Variants in MAPKAP1 observed in about 807,000 individuals in gnomAD.
The protein encoded by MAPKAP1 is MAPK associated protein 1.
Under a neutral mutation model 65.7 loss-of-function variants are expected in MAPKAP1, and 20 were observed. The ratio of observed to expected loss-of-function variants is 0.30; its 90% CI spans 0.21 to 0.44. MAPKAP1 has a LOEUF of 0.44. Among genes scored for constraint, MAPKAP1 ranks in the 20% least tolerant of loss-of-function variants. MAPKAP1 has a pLI of 1.00. For synonymous variants in MAPKAP1, 222 were observed against 244.3 expected (o/e 0.91, Z 0.85); for missense variants, 423 against 648.0 (o/e 0.65, Z 3.77).
chr9:125,612,247 A>T (rs1733291589), intron 4 of MAPKAP1, among the ~76,000 whole-genome samples: 2 of 152,180 alleles, frequency 1.3e-5, no homozygotes, highest in African/African-American at 4.8e-5. Context: ...ACCTAATGAC[A>T]ATATTTAGAA....
intron 4 of MAPKAP1, among the ~76,000 whole-genome samples, chr9:125,591,053 CGTGA>C (rs755636056): frequency 2.6e-5 from 4 of 152,150 alleles, no homozygotes; most frequent in Non-Finnish European, 4.4e-5. Flanking sequence ...GGATTACAAG[CGTGA>C]GTGACTGCGA....
chr9:125,689,227 G>A (rs1468472388), intron 1 of MAPKAP1, among the ~76,000 whole-genome samples: 1 of 150,436 alleles, frequency 6.6e-6, no homozygotes, highest in African/African-American at 2.4e-5. Flanking sequence ...CACGAAGTCA[G>A]GAGATAGAGA....
chr9:125,504,183 C>G (rs1179747680), intron 8 of MAPKAP1, among the ~76,000 whole-genome samples: 2 of 152,106 alleles, frequency 1.3e-5, no homozygotes, highest in African/African-American at 4.8e-5. Context: ...ATGAGGACTC[C>G]CTTTGAAACA....
intron 10 of MAPKAP1, among the ~76,000 whole-genome samples, chr9:125,455,953 T>C (rs1278188679): frequency 1.3e-5 from 2 of 152,132 alleles, no homozygotes; most frequent in African/African-American, 4.8e-5. Flanking sequence ...ATTATTTCAT[T>C]TTTTTTGATT....
At chr9:125,646,337 A>AAAAC (rs942316621) in intron 4 of MAPKAP1, among the ~76,000 whole-genome samples, 1 of 149,206 alleles carries the variant, frequency 6.7e-6, no homozygotes, top group African/African-American at 2.6e-5. Flanking sequence ...AAAACAAAAC[A>AAAAC]AAAAACTAAT....
intron 6 of MAPKAP1, among the ~76,000 whole-genome samples, chr9:125,556,417 G>C (rs1260334714): frequency 6.6e-6 from 1 of 152,222 alleles, no homozygotes. Flanking sequence ...AAAGGGCATG[G>C]ACTTTAAAGT....
At chr9:125,577,381 G>A (rs2131556148) in intron 5 of MAPKAP1, among the ~76,000 whole-genome samples, 1 of 150,768 alleles carries the variant, frequency 6.6e-6, no homozygotes, top group Non-Finnish European at 1.5e-5. Flanking sequence ...CCGTCCGGGA[G>A]GGAGGTGGGG....
intron 10 of MAPKAP1, among the ~76,000 whole-genome samples, chr9:125,457,346 G>C (rs1292614419): frequency 6.6e-6 from 1 of 151,988 alleles, no homozygotes; most frequent in African/African-American, 2.4e-5. Context: ...ATTTTCATTT[G>C]GTTCTTCTTA....
At chr9:125,576,982 C>T (rs1280735306) in intron 5 of MAPKAP1, among the ~76,000 whole-genome samples, 2 of 151,776 alleles carry the variant, frequency 1.3e-5, no homozygotes, top group Non-Finnish European at 1.5e-5. Flanking sequence ...GGCCGCCCAT[C>T]GTCTGGGATG....
chr9:125,506,527 A>G, intron 7 of MAPKAP1, 110 bp from the exon 8 acceptor site: 1 of 908,468 alleles, frequency 1.1e-6, no homozygotes, highest in Non-Finnish European at 1.7e-6. Context: ...GTAAAGTGTT[A>G]AAGTCTGTCT....
At chr9:125,477,068 AC>A (rs1440474251) in intron 9 of MAPKAP1, among the ~76,000 whole-genome samples, 2 of 152,178 alleles carry the variant, frequency 1.3e-5, no homozygotes, top group African/African-American at 4.8e-5. Context: ...GATTATACAT[AC>A]TGGACAGTTT....
At chr9:125,484,044 G>A (rs1854408893) in intron 9 of MAPKAP1, among the ~76,000 whole-genome samples, 1 of 152,142 alleles carries the variant, frequency 6.6e-6, no homozygotes, top group Non-Finnish European at 1.5e-5. Context: ...TACCTTCTGA[G>A]ACATTAAAAA....
At chr9:125,689,605 G>A (rs1835102812) in intron 1 of MAPKAP1, among the ~76,000 whole-genome samples, 2 of 150,096 alleles carry the variant, frequency 1.3e-5, no homozygotes, top group South Asian at 4.2e-4. Context: ...TGGGCGTGGT[G>A]GTGGGTGCCT....
At position 125,550,994 on chromosome 9, in the gene MAPKAP1, A is replaced by C. The variant is rs567286466; in HGVS notation, c.849-7826T>G. On this transcript the variant is annotated intron_variant, in intron 6 of 11. Coordinates refer to ENST00000265960, the MANE Select transcript of MAPKAP1 (RefSeq NM_001006617.3). ...CAGCATGGCCTTGAATTAGTAACTA[A>C]CTACCTGTCTCTGAGCCTCAGCTTA... 1.1e-4 allele frequency among the ~76,000 whole-genome samples: 16 copies of C among 152,302 alleles called. No individual in the cohort carries two copies. In the South Asian group the frequency reaches 2.1e-3, roughly 20 times the overall value.
intron 7 of MAPKAP1, 51 bp from the exon 8 acceptor site, chr9:125,506,468 T>G: frequency 6.8e-7 from 1 of 1,464,932 alleles, no homozygotes; most frequent in Non-Finnish European, 9.6e-7. Flanking sequence ...AACAGCGAAT[T>G]TAACATTTAA....
intron 10 of MAPKAP1, among the ~76,000 whole-genome samples, chr9:125,453,760 C>T (rs2132950120): frequency 6.6e-6 from 1 of 152,246 alleles, no homozygotes; most frequent in East Asian, 1.9e-4. Flanking sequence ...TGCAGATTTT[C>T]CAAATGTTGA....
At chr9:125,684,758 G>A (rs1834925490) in intron 1 of MAPKAP1, among the ~76,000 whole-genome samples, 1 of 152,034 alleles carries the variant, frequency 6.6e-6, no homozygotes, top group Non-Finnish European at 1.5e-5. Context: ...CCAGCTCAAC[G>A]GTAGCCTTAA....
intron 10 of MAPKAP1, among the ~76,000 whole-genome samples, chr9:125,463,708 C>T (rs894313747): frequency 1.3e-5 from 2 of 152,186 alleles, no homozygotes; most frequent in East Asian, 3.8e-4. Flanking sequence ...TGAACAGAAT[C>T]AGATTTCCTT....
chr9:125,540,240 C>T (rs939350860), intron 7 of MAPKAP1, among the ~76,000 whole-genome samples: 4 of 152,194 alleles, frequency 2.6e-5, no homozygotes, highest in African/African-American at 9.7e-5. Flanking sequence ...GAAGGAGTGC[C>T]AGACTGAAGG....
Sources: gnomAD v4.1 joint callset for allele counts (sites outside exome capture counted in the v4.1 genomes callset) on GRCh38, gnomAD v4.1.1 for gene constraint, MANE v1.5 for transcripts, NCBI Gene and HGNC (gene_info 2026-07-23, HGNC 2026-07-21) for gene names.